Variants in USH2A observed in about 807,000 individuals in gnomAD.
USH2A encodes Usher syndrome 2A (autosomal recessive, mild).
A neutral mutation model predicts 538.9 loss-of-function variants in USH2A; 443 were observed. The observed-to-expected ratio is 0.82, with a 90% confidence interval of 0.76 to 0.89. The LOEUF is 0.89. USH2A is among the 40% of genes least tolerant of loss of function. The probability of loss-of-function intolerance (pLI) is 0.00; values close to 1 mark genes in which losing one functional copy is unlikely to be tolerated. For missense variants in USH2A, 6,633 were observed against 6,324.8 expected (o/e 1.05, Z -1.65); for synonymous variants, 2,413 against 2,273.5 (o/e 1.06, Z -1.75).
At chr1:215,773,506 C>A (rs1197303270) in intron 55 of USH2A, among the ~76,000 whole-genome samples, 1 of 130,388 alleles carries the variant, frequency 7.7e-6, no homozygotes, top group Non-Finnish European at 1.6e-5. Flanking sequence ...CTCTCTCTCT[C>A]TCTCTGTCTC....
intron 3 of USH2A, among the ~76,000 whole-genome samples, chr1:216,402,608 A>C (rs1275970244): frequency 6.6e-6 from 1 of 152,274 alleles, no homozygotes; most frequent in Admixed American, 6.5e-5. Context: ...CCTTATAATT[A>C]TCTTAACAAT....
In USH2A at chr1:216,289,358, A is replaced by G. The variant is rs763507111; in HGVS notation, c.1893T>C (p.Asp631=). Reference sequence around the variant, plus strand: ...GTTTGCAAACATCTATGGCCGAAGGATCTGCACCAACTTGTCGGAAAAAGT... The same window carrying G: ...GTTTGCAAACATCTATGGCCGAAGGGTCTGCACCAACTTGTCGGAAAAAGT... ...KDYFFRQVGA[D]PSAIDVCKPC... is the part of the protein sequence containing the mutation. Residue 631 remains aspartate, a synonymous_variant, in exon 11 of 72, where the codon GAT becomes GAC. Coordinates refer to ENST00000307340, the MANE Select transcript of USH2A (RefSeq NM_206933.4). 6 of 1,613,986 alleles carry G rather than the reference A, an allele frequency of 3.7e-6. No homozygotes were observed. The highest frequency in any genetic ancestry group is 1.7e-5 in the Admixed American group (1 of 60,020).
intron 14 of USH2A, among the ~76,000 whole-genome samples, chr1:216,230,073 T>C (rs951060727): frequency 6.6e-6 from 1 of 152,034 alleles, no homozygotes; most frequent in African/African-American, 2.4e-5. Context: ...CAAAAATGGG[T>C]AATTGAATGT....
At chr1:216,176,294 G>A (rs920555232) in intron 20 of USH2A, among the ~76,000 whole-genome samples, 1 of 151,940 alleles carries the variant, frequency 6.6e-6, no homozygotes, top group African/African-American at 2.4e-5. Context: ...GCTATGCACA[G>A]GCATAATGAT....
rs113779203 is a variant in USH2A, at chr1:216,057,333, G to A, written c.6050-8686C>T. Among the ~76,000 whole-genome samples the A allele has an allele frequency of 5.4e-3, 817 of 151,874 alleles. 10 individuals carry two copies. The highest frequency in any genetic ancestry group is 0.013 in the African/African-American group (558 of 41,402). On this transcript the variant is annotated intron_variant, in intron 30 of 71. Transcript: ENST00000307340. ...TATTTATGTCATAGGCCATATTTTCGTCCTGTGAATTTTTTCAGACCAGTT... is the reference window on the plus strand; with the variant it reads ...TATTTATGTCATAGGCCATATTTTCATCCTGTGAATTTTTTCAGACCAGTT...
chr1:215,913,242 A>C (rs1665860516), intron 38 of USH2A, among the ~76,000 whole-genome samples: 1 of 152,122 alleles, frequency 6.6e-6, no homozygotes, highest in African/African-American at 2.4e-5. Context: ...TGGGCATGAG[A>C]ATATTGTCAA....
At chr1:215,896,257 T>C (rs554866964) in intron 40 of USH2A, among the ~76,000 whole-genome samples, 16 of 151,946 alleles carry the variant, frequency 1.1e-4, no homozygotes, top group South Asian at 2.1e-4. Context: ...CATTTTTAAA[T>C]ATATGACAAC....
chr1:215,924,055 T>C (rs1269750509), intron 38 of USH2A, among the ~76,000 whole-genome samples: 1 of 151,824 alleles, frequency 6.6e-6, no homozygotes, highest in Admixed American at 6.6e-5. Flanking sequence ...ATCTAGTAGA[T>C]AAGACATGAT....
At chr1:215,977,034 C>T (rs1157923117) in intron 35 of USH2A, among the ~76,000 whole-genome samples, 1 of 149,970 alleles carries the variant, frequency 6.7e-6, no homozygotes, top group East Asian at 1.9e-4. Context: ...CAGTTCCTAC[C>T]AAAAACAACA....
At chr1:215,691,936 C>T (rs11120602) in intron 61 of USH2A, among the ~76,000 whole-genome samples, 30,318 of 151,760 alleles carry the variant, frequency 0.2, 3,189 homozygotes, top group Non-Finnish European at 0.23. Context: ...AGCTCAGGAC[C>T]AAACTCAGTG....
In USH2A at chr1:215,867,069, C is replaced by T. The variant is rs746586128; in HGVS notation, c.8783G>A (p.Gly2928Glu). The T allele has an allele frequency of 2.5e-6, 4 of 1,614,168 alleles. No homozygotes were observed. In the Admixed American group the frequency reaches 5.0e-5, roughly 20 times the overall value. ...VTTLAGLPER[G>E]ANLTASVLNH... is the part of the protein sequence containing the mutation. ...AAGGACACTCGCAGTGAGATTGGCT[C>T]CTCTCTCTGGAAGACCAGCTAACGT... The change falls in exon 44 of 72, where the codon GGA (glycine) becomes GAA (glutamate). Residue 2928 changes from glycine to glutamate, a missense_variant. Transcript: ENST00000307340.
chr1:216,048,544 A>T lies in USH2A; in HGVS notation c.6153T>A (p.Thr2051=), dbSNP rs754250829. The T allele has an allele frequency of 1.4e-5, 22 of 1,613,772 alleles. No homozygotes were observed. In the Middle Eastern group the frequency reaches 6.6e-4, roughly 48 times the overall value. ...TTGAAATTACTTTACCTTCTTGTGGAGTAGAGATGTTCAATGCATGTGAGC... is the reference window on the plus strand; with the variant it reads ...TTGAAATTACTTTACCTTCTTGTGGTGTAGAGATGTTCAATGCATGTGAGC... ...TESSHALNIS[T]PQEAPQEVQP... Residue 2051 remains threonine, a synonymous_variant, in exon 31 of 72, where the codon ACT becomes ACA. Coordinates refer to ENST00000307340, the MANE Select transcript of USH2A (RefSeq NM_206933.4).
rs549000491 is a variant in USH2A at position 215,761,225 on chromosome 1, T to C, written c.11048-1382A>G. ...TCTCATATGTAGAATTGTTCTTATA[T>C]GTAGAATGTTCTCATATGTTCTCAT... is the stretch of plus-strand genomic sequence containing the variant. On this transcript the variant is annotated intron_variant, in intron 56 of 71. Transcript: ENST00000307340. Among the ~76,000 whole-genome samples, 31 of 152,320 alleles carry C rather than the reference T, an allele frequency of 2.0e-4. No homozygotes were observed. In the South Asian group the frequency reaches 3.1e-3, roughly 15 times the overall value.
chr1:216,180,338 C>A (rs965916028), intron 20 of USH2A, among the ~76,000 whole-genome samples: 5 of 151,948 alleles, frequency 3.3e-5, no homozygotes, highest in African/African-American at 9.7e-5. Context: ...GTACAAAATT[C>A]TTGTACTTTT....
In USH2A at chr1:215,623,378, G is replaced by A. The variant is rs919807981; in HGVS notation, c.*2403C>T. 1 of 152,044 alleles carries A rather than the reference G, an allele frequency of 6.6e-6. No homozygotes were observed. Among genetic ancestry groups the A allele is most frequent in the Non-Finnish European group, 1.5e-5 (1 of 68,012 alleles). 9.4% of individuals were successfully genotyped at this position (152,044 alleles called of 1,614,324 possible). A position where few individuals can be genotyped will look rare whatever the true frequency, so the allele number is the denominator to read the frequency against. On this transcript the variant is annotated 3_prime_UTR_variant, in exon 72 of 72. Transcript: ENST00000307340. ...TTATTCCTGTACATGATTTCTTCCA[G>A]ATTGTGGAACATCAGTGGGTCTCAA...
chr1:215,667,861 A>G (rs751198418), intron 64 of USH2A, among the ~76,000 whole-genome samples: 1 of 152,220 alleles, frequency 6.6e-6, no homozygotes, highest in Admixed American at 6.5e-5. Context: ...ACATAACTAA[A>G]TTTTAACAAC....
At chr1:215,670,863 A>C in intron 64 of USH2A, 109 bp downstream of exon 64, 1 of 1,112,456 alleles carries the variant, frequency 9.0e-7, no homozygotes, top group Non-Finnish European at 1.3e-6. Flanking sequence ...TATTCTCCTT[A>C]AGTCCTACAT....
chr1:215,813,534 C>A (rs1234728897), intron 49 of USH2A, among the ~76,000 whole-genome samples: 2 of 152,140 alleles, frequency 1.3e-5, no homozygotes, highest in Non-Finnish European at 2.9e-5. Flanking sequence ...TCCTTCTGTT[C>A]TCTCGTTTTC....
At chr1:216,047,783 T>C (rs1296086085) in intron 31 of USH2A, among the ~76,000 whole-genome samples, 1 of 152,138 alleles carries the variant, frequency 6.6e-6, no homozygotes, top group Non-Finnish European at 1.5e-5. Flanking sequence ...CTAGACAGTA[T>C]AAGATATGTA....
Sources: gnomAD v4.1 joint callset for allele counts (sites outside exome capture counted in the v4.1 genomes callset) on GRCh38, gnomAD v4.1.1 for gene constraint, MANE v1.5 for transcripts, NCBI Gene and HGNC (gene_info 2026-07-23, HGNC 2026-07-21) for gene names.